PRKN: variants seen among roughly 807,000 people sequenced by gnomAD.
The protein encoded by PRKN is parkin RBR E3 ubiquitin protein ligase.
Under a neutral mutation model 59.5 loss-of-function variants are expected in PRKN, and 56 were observed. The ratio of observed to expected loss-of-function variants is 0.94; its 90% CI spans 0.76 to 1.18. The LOEUF (loss-of-function observed/expected upper bound fraction) is 1.18. Among genes scored for constraint, PRKN ranks in the 50% most tolerant of loss-of-function variants. The pLI is 0.00. For missense variants in PRKN, 657 were observed against 596.4 expected (o/e 1.10, Z -1.06); for synonymous variants, 250 against 222.1 (o/e 1.13, Z -1.12).
chr6:162,366,624 G>A (rs897889299), intron 2 of PRKN, among the ~76,000 whole-genome samples: 5 of 151,980 alleles, frequency 3.3e-5, no homozygotes, highest in African/African-American at 9.7e-5. Flanking sequence ...GTTTATTCCC[G>A]GCCAGGCACG....
chr6:161,677,667 C>T (rs891239373), intron 7 of PRKN, among the ~76,000 whole-genome samples: 10 of 152,186 alleles, frequency 6.6e-5, no homozygotes, highest in African/African-American at 2.4e-4. Context: ...GAAATTTGAA[C>T]ACAGTGTTTA....
chr6:162,150,309 G>C (rs1292841889), intron 4 of PRKN, among the ~76,000 whole-genome samples: 1 of 152,178 alleles, frequency 6.6e-6, no homozygotes, highest in Non-Finnish European at 1.5e-5. Context: ...AAATGTTTCT[G>C]ATGTGAATTT....
At chr6:161,621,843 T>C (rs1284606956) in intron 7 of PRKN, among the ~76,000 whole-genome samples, 3 of 152,092 alleles carry the variant, frequency 2.0e-5, no homozygotes, top group Non-Finnish European at 4.4e-5. Flanking sequence ...CTCTACAACA[T>C]AGGCCACCCA....
rs61182650 is a variant in PRKN at position 161,842,466 on chromosome 6, TA to T, written c.735-56559del. Among the ~76,000 whole-genome samples, 940 of 135,660 alleles carry T rather than the reference TA, an allele frequency of 6.9e-3. 2 individuals are homozygous for T. The highest frequency in any genetic ancestry group is 0.017 in the African/African-American group (623 of 36,338). The allele number at this position is 135,660 out of a possible 152,430, so 89.0% of individuals were successfully genotyped here. ...CAGCCTGGGCAACAGAATGAGACTC[TA>T]AAAAAAAAAAAAAAATAGCCATGGG... is the stretch of plus-strand genomic sequence containing the variant. On this transcript the variant is annotated intron_variant, in intron 6 of 11. Coordinates refer to ENST00000366898, the MANE Select transcript of PRKN (RefSeq NM_004562.3).
chr6:162,588,490 A>G (rs750843499), intron 1 of PRKN, among the ~76,000 whole-genome samples: 1 of 152,106 alleles, frequency 6.6e-6, no homozygotes, highest in Non-Finnish European at 1.5e-5. Flanking sequence ...CCAGGTGGGC[A>G]CTATGTCCAG....
At chr6:162,129,923 G>T (rs932595316) in intron 4 of PRKN, among the ~76,000 whole-genome samples, 3 of 151,964 alleles carry the variant, frequency 2.0e-5, no homozygotes, top group Non-Finnish European at 2.9e-5. Context: ...AAAAATATAC[G>T]AAAATAGGAA....
At chr6:162,423,825 C>T (rs1789095182) in intron 2 of PRKN, among the ~76,000 whole-genome samples, 1 of 152,052 alleles carries the variant, frequency 6.6e-6, no homozygotes, top group African/African-American at 2.4e-5. Context: ...CCAGTGCCTA[C>T]CCACTGGATA....
At chr6:162,574,741 T>C (rs1780489411) in intron 1 of PRKN, among the ~76,000 whole-genome samples, 1 of 149,168 alleles carries the variant, frequency 6.7e-6, no homozygotes, top group Admixed American at 6.8e-5. Context: ...CCCTATTTCT[T>C]CAACAGCAGT....
At chr6:162,336,443 C>A (rs753641229) in intron 2 of PRKN, among the ~76,000 whole-genome samples, 4 of 152,220 alleles carry the variant, frequency 2.6e-5, no homozygotes, top group Admixed American at 6.5e-5. Context: ...CACACATCTG[C>A]GGCACATGAC....
intron 8 of PRKN, among the ~76,000 whole-genome samples, chr6:161,565,771 C>T (rs1348884899): frequency 3.3e-5 from 5 of 152,134 alleles, no homozygotes; most frequent in Non-Finnish European, 7.4e-5. Context: ...CTCTAAAACT[C>T]TTCCCCGATC....
chr6:162,395,759 G>C (rs2128146938), intron 2 of PRKN, among the ~76,000 whole-genome samples: 1 of 152,168 alleles, frequency 6.6e-6, no homozygotes, highest in East Asian at 1.9e-4. Flanking sequence ...GTGTGGTTTA[G>C]CAGTTTGAAT....
intron 7 of PRKN, among the ~76,000 whole-genome samples, chr6:161,606,429 T>C (rs1782286133): frequency 6.6e-6 from 1 of 152,066 alleles, no homozygotes; most frequent in Non-Finnish European, 1.5e-5. Flanking sequence ...TGACAGTAAC[T>C]GAAAAAAGAA....
intron 7 of PRKN, among the ~76,000 whole-genome samples, chr6:161,737,016 A>G (rs188467215): frequency 2.1e-3 from 319 of 152,324 alleles, no homozygotes; most frequent in African/African-American, 7.1e-3. Context: ...AGGAAGGAGT[A>G]CAGTGAAGGG....
chr6:162,434,749 A>G (rs1789692940), intron 2 of PRKN, among the ~76,000 whole-genome samples: 1 of 152,230 alleles, frequency 6.6e-6, no homozygotes, highest in African/African-American at 2.4e-5. Flanking sequence ...CCAAGCCCAT[A>G]TATAAATAGA....
At chr6:161,970,908 C>T (rs1200760123) in intron 6 of PRKN, among the ~76,000 whole-genome samples, 2 of 152,108 alleles carry the variant, frequency 1.3e-5, no homozygotes, top group Admixed American at 1.3e-4. Flanking sequence ...TCAGGAAAAA[C>T]CCCACAATGA....
At chr6:162,572,523 G>A (rs1780380030) in intron 1 of PRKN, among the ~76,000 whole-genome samples, 1 of 152,150 alleles carries the variant, frequency 6.6e-6, no homozygotes, top group Admixed American at 6.5e-5. Flanking sequence ...TGGGCCAGGT[G>A]TAGACAGACA....
Position 162,392,366 on chromosome 6 carries a change from C to T in PRKN, c.171+50944G>A, listed in dbSNP as rs73602294. ...TTTCTCCTAACTTTTATGTTCATCCCAGGTAAGCCTCCATCTCCAATCTCT... is the reference window on the plus strand; with the variant it reads ...TTTCTCCTAACTTTTATGTTCATCCTAGGTAAGCCTCCATCTCCAATCTCT... On this transcript the variant is annotated intron_variant, in intron 2 of 11. Transcript: ENST00000366898. 4.1e-3 allele frequency among the ~76,000 whole-genome samples: 631 copies of T among 152,176 alleles called. 7 individuals carry two copies. The highest frequency in any genetic ancestry group is 0.014 in the African/African-American group (600 of 41,516).
At chr6:162,000,861 A>G (rs1172804910) in intron 5 of PRKN, among the ~76,000 whole-genome samples, 2 of 149,576 alleles carry the variant, frequency 1.3e-5, no homozygotes, top group East Asian at 2.0e-4. Context: ...TTGTTTTTGC[A>G]TGTTTGCATC....
At chr6:162,244,982 A>C (rs1337892655) in intron 3 of PRKN, among the ~76,000 whole-genome samples, 1 of 152,114 alleles carries the variant, frequency 6.6e-6, no homozygotes, top group East Asian at 1.9e-4. Context: ...AAGAAAGGGA[A>C]ATACTTATTA....
Sources: allele counts gnomAD v4.1 joint callset (sites outside exome capture counted in the v4.1 genomes callset), GRCh38; gene constraint gnomAD v4.1.1; transcripts MANE v1.5; gene names NCBI Gene and HGNC (gene_info 2026-07-23, HGNC 2026-07-21).